The following LSM14A variants were observed in gnomAD, a reference collection of about 807,000 sequenced individuals.
The protein encoded by LSM14A is protein LSM14 homolog A.
In LSM14A, 14 loss-of-function variants were observed where a neutral mutation model predicts 52.4. The ratio of observed to expected loss-of-function variants is 0.27; its 90% CI spans 0.18 to 0.42. LSM14A has a LOEUF of 0.42. Ranked by LOEUF, LSM14A falls within the 10% of genes least tolerant of loss-of-function variation. The probability of loss-of-function intolerance (pLI) is 1.00; values close to 1 mark genes in which losing one functional copy is unlikely to be tolerated. For missense variants in LSM14A, 417 were observed against 581.8 expected (o/e 0.72, Z 2.91); for synonymous variants, 185 against 200.3 (o/e 0.92, Z 0.64).
At chr19:34,196,847 T>C in intron 3 of LSM14A, 84 bp downstream of exon 3, 2 of 1,126,428 alleles carry the variant, frequency 1.8e-6, no homozygotes, top group Non-Finnish European at 2.5e-6. Context: ...ACACCAACTA[T>C]TAGAAATGTT....
At chr19:34,221,929 G>A (rs2073091391) in intron 9 of LSM14A, 191 bp downstream of exon 9, 2 of 1,183,040 alleles carry the variant, frequency 1.7e-6, no homozygotes, top group Admixed American at 3.1e-5. Flanking sequence ...AGACAGTATA[G>A]TATCACCTTT....
intron 1 of LSM14A, 116 bp downstream of exon 1, chr19:34,172,879 C>A: frequency 8.2e-7 from 1 of 1,217,450 alleles, no homozygotes; most frequent in Non-Finnish European, 1.1e-6. Context: ...CTCCGGGAGG[C>A]CTCTCGCCTC....
chr19:34,206,170 C>T (rs1026353057), intron 3 of LSM14A, among the ~76,000 whole-genome samples: 2 of 152,124 alleles, frequency 1.3e-5, no homozygotes, highest in Non-Finnish European at 1.5e-5. Flanking sequence ...TACATTCTAC[C>T]AAACATTTAG....
rs583121 is a variant in LSM14A at position 34,228,153 on chromosome 19, T to C, written c.*765T>C. 0.35 allele frequency: 52,612 copies of C among 152,400 alleles called. 9,511 individuals are homozygous for C. The highest frequency in any genetic ancestry group is 0.38 in the African/African-American group (15,908 of 41,432). 9.4% of individuals were successfully genotyped at this position (152,400 alleles called of 1,614,324 possible). A position where few individuals can be genotyped will look rare whatever the true frequency, so the allele number is the denominator to read the frequency against. On this transcript the variant is annotated 3_prime_UTR_variant, in exon 10 of 10. Coordinates refer to ENST00000544216, the MANE Select transcript of LSM14A (RefSeq NM_015578.4). ...GAGCAGCAGCCTTATGGGTGGGTCT[T>C]TTTTTCTTAGTTTTCCAGGCTTAAC...
intron 8 of LSM14A, 92 bp downstream of exon 8, chr19:34,219,969 A>G: frequency 1.1e-6 from 1 of 922,116 alleles, no homozygotes; most frequent in Non-Finnish European, 1.7e-6. Context: ...GAATACTACC[A>G]TAATTGTTTT....
intron 1 of LSM14A, among the ~76,000 whole-genome samples, chr19:34,187,930 TAATA>T (rs200341657): frequency 0.015 from 2,268 of 152,160 alleles, 61 homozygotes; most frequent in African/African-American, 0.052. Context: ...GCATTTCTAT[TAATA>T]AATCTTTGGT....
At chr19:34,224,061 G>A (rs2073208890) in intron 9 of LSM14A, among the ~76,000 whole-genome samples, 2 of 152,080 alleles carry the variant, frequency 1.3e-5, no homozygotes, top group Admixed American at 1.3e-4. Flanking sequence ...GGGCGTGGTG[G>A]CTCACACCTA....
intron 3 of LSM14A, among the ~76,000 whole-genome samples, chr19:34,200,417 GTTA>G (rs1056204216): frequency 4.0e-4 from 61 of 152,282 alleles, no homozygotes; most frequent in African/African-American, 1.0e-3. Flanking sequence ...GTTGGATTTT[GTTA>G]TTATTGTTAA....
At chr19:34,177,147 C>T (rs1298908939) in intron 1 of LSM14A, among the ~76,000 whole-genome samples, 1 of 152,110 alleles carries the variant, frequency 6.6e-6, no homozygotes, top group Admixed American at 6.5e-5. Flanking sequence ...AATATATCTC[C>T]ATTGTTGGAT....
chr19:34,179,862 C>G (rs1353041190), intron 1 of LSM14A, among the ~76,000 whole-genome samples: 1 of 152,134 alleles, frequency 6.6e-6, no homozygotes, highest in Non-Finnish European at 1.5e-5. Flanking sequence ...ATTTGTCTTT[C>G]TCTCATGATG....
At chr19:34,201,432 T>G (rs1418667301) in intron 3 of LSM14A, among the ~76,000 whole-genome samples, 4 of 152,168 alleles carry the variant, frequency 2.6e-5, no homozygotes, top group Non-Finnish European at 5.9e-5. Flanking sequence ...AGCCCCCTCC[T>G]CCCGGGTTCA....
rs752826786 is a variant in LSM14A at position 34,221,587 on chromosome 19, G to A, written c.1217G>A (p.Arg406His). Reference protein sequence around the residue: ...FGIPLRPNRGRGGYRGRGGLG... With the variant: ...FGIPLRPNRGHGGYRGRGGLG... ...ATCCCACTTCGTCCAAACCGTGGCC[G>A]TGGGGGATACAGAGGCAGAGGAGGT... is the stretch of plus-strand genomic sequence containing the variant. The change falls in exon 9 of 10, where the codon CGT becomes CAT. Residue 406 changes from arginine to histidine, a missense_variant. Physicochemically the swap from Arg to His is conservative, Grantham distance 29 (BLOSUM62 0). Transcript: ENST00000544216. 1.4e-5 allele frequency: 23 copies of A among 1,614,070 alleles called. No individual in the cohort carries two copies. Among genetic ancestry groups the A allele is most frequent in the Admixed American group, 3.3e-5 (2 of 59,988 alleles).
At position 34,210,725 on chromosome 19, in the gene LSM14A, T is replaced by C. The variant is rs565102734; in HGVS notation, c.538+1674T>C. Among the ~76,000 whole-genome samples, 10 of 151,558 alleles carry C rather than the reference T, an allele frequency of 6.6e-5. No homozygotes were observed. In the South Asian group the frequency reaches 2.1e-3, roughly 32 times the overall value. On this transcript the variant is annotated intron_variant, in intron 4 of 9. Coordinates refer to ENST00000544216, the MANE Select transcript of LSM14A (RefSeq NM_015578.4). Reference sequence around the variant, plus strand: ...AGGCCATCCTCCCAATTAGCTGAGATCACAAGCAAGCACCACCAGCTAGTT... The same window carrying C: ...AGGCCATCCTCCCAATTAGCTGAGACCACAAGCAAGCACCACCAGCTAGTT...
chr19:34,211,986 T>C (rs187145971), intron 4 of LSM14A, among the ~76,000 whole-genome samples: 2 of 152,136 alleles, frequency 1.3e-5, no homozygotes, highest in Non-Finnish European at 2.9e-5. Context: ...TAATAAAATG[T>C]AGCAATGCAG....
chr19:34,212,549 A>C (rs1217663308), intron 4 of LSM14A, among the ~76,000 whole-genome samples: 1 of 152,240 alleles, frequency 6.6e-6, no homozygotes, highest in African/African-American at 2.4e-5. Context: ...AGTTATGACA[A>C]ATGACAAGTC....
intron 4 of LSM14A, among the ~76,000 whole-genome samples, chr19:34,213,804 CAG>C (rs1249875547): frequency 6.6e-6 from 1 of 152,074 alleles, no homozygotes; most frequent in Admixed American, 6.6e-5. Flanking sequence ...TTTTTTGAGA[CAG>C]AGTCTAGTTT....
At chr19:34,199,900 T>C (rs1167171410) in intron 3 of LSM14A, among the ~76,000 whole-genome samples, 1 of 152,242 alleles carries the variant, frequency 6.6e-6, no homozygotes, top group Non-Finnish European at 1.5e-5. Context: ...TGAAAGGTGT[T>C]AGGACAGCAT....
intron 1 of LSM14A, among the ~76,000 whole-genome samples, chr19:34,192,322 T>G (rs75887511): frequency 1.7e-4 from 13 of 74,948 alleles, no homozygotes; most frequent in African/African-American, 7.0e-4. Flanking sequence ...TTTTGTTGTT[T>G]TTTTTTTTTT....
rs150983180 is a variant in LSM14A, at chr19:34,184,151, G to A, written c.122-10327G>A. Among the ~76,000 whole-genome samples, 621 of 151,472 alleles carry A rather than the reference G, an allele frequency of 4.1e-3. 5 individuals carry two copies. The highest frequency in any genetic ancestry group is 0.014 in the African/African-American group (587 of 41,232). On this transcript the variant is annotated intron_variant, in intron 1 of 9. Transcript: ENST00000544216. ...GCTCACTGCAGCTTCTGCCTCCCGG[G>A]TTCAAGTGATTCTCCTACCTCAGCC...
Sources: gnomAD v4.1 joint callset for allele counts (sites outside exome capture counted in the v4.1 genomes callset) on GRCh38, gnomAD v4.1.1 for gene constraint, MANE v1.5 for transcripts, NCBI Gene and HGNC (gene_info 2026-07-23, HGNC 2026-07-21) for gene names.